Variants in AGAP1 observed in about 807,000 individuals in gnomAD.
The protein encoded by AGAP1 is arf-GAP with GTPase, ANK repeat and PH domain-containing protein 1.
A neutral mutation model predicts 105.3 loss-of-function variants in AGAP1; 29 were observed. The ratio of observed to expected loss-of-function variants is 0.28; its 90% CI spans 0.21 to 0.38. The LOEUF (loss-of-function observed/expected upper bound fraction) is 0.38, where lower values mean the gene tolerates loss of function less well. Ranked by LOEUF, AGAP1 falls within the 10% of genes least tolerant of loss-of-function variation. The pLI is 1.00. For synonymous variants in AGAP1, 509 were observed against 485.9 expected, an observed-to-expected ratio of 1.05 and a Z score of -0.63; for missense variants, 998 against 1,165.1, an observed-to-expected ratio of 0.86 and a Z score of 2.09.
chr2:235,826,479 CT>C (rs1959072005), intron 9 of AGAP1, among the ~76,000 whole-genome samples: 6 of 151,788 alleles, frequency 4.0e-5, no homozygotes, highest in African/African-American at 1.5e-4. Flanking sequence ...AAGAGTCTTG[CT>C]GCTCTGTCAC....
chr2:235,809,876 G>A (rs576440741), intron 9 of AGAP1, among the ~76,000 whole-genome samples: 113 of 152,248 alleles, frequency 7.4e-4, no homozygotes, highest in African/African-American at 2.6e-3. Context: ...TTAAATGAGT[G>A]CTTATTATGT....
rs1390167385 is a variant in AGAP1 at position 235,653,023 on chromosome 2, T to G, written c.164-56156T>G. Among the ~76,000 whole-genome samples, 5 of 152,016 alleles carry G rather than the reference T, an allele frequency of 3.3e-5. No individual in the cohort carries two copies. The East Asian group carries it at 9.7e-4, about 29-fold the overall frequency. ...GTGTTCTTTGACCCATCAACAGGTG[T>G]GGGGAGGCAGCACTGCACCGGGAAG... On this transcript the variant is annotated intron_variant, in intron 1 of 17. Transcript: ENST00000304032.
intron 13 of AGAP1, among the ~76,000 whole-genome samples, chr2:235,998,664 T>C (rs1398550525): frequency 2.6e-5 from 4 of 151,696 alleles, no homozygotes; most frequent in African/African-American, 9.7e-5. Context: ...GAGGTGGTGG[T>C]GGTGGTGGTG....
intron 1 of AGAP1, among the ~76,000 whole-genome samples, chr2:235,686,638 T>TATATAG (rs1949433060): frequency 2.0e-5 from 1 of 49,374 alleles, no homozygotes; most frequent in Non-Finnish European, 3.7e-5. Context: ...TATATATATA[T>TATATAG]ATATATAGAT....
At chr2:235,974,473 C>A (rs2054777783) in intron 13 of AGAP1, among the ~76,000 whole-genome samples, 1 of 152,232 alleles carries the variant, frequency 6.6e-6, no homozygotes, top group Admixed American at 6.5e-5. Context: ...GTGTTATCCC[C>A]CCCTTGGGTT....
chr2:235,687,793 A>G (rs138097946), intron 1 of AGAP1, among the ~76,000 whole-genome samples: 4,142 of 152,150 alleles, frequency 0.027, 191 homozygotes, highest in African/African-American at 0.094. Flanking sequence ...AAGCAGGGGC[A>G]AAGTACACAT....
At chr2:235,768,154 C>T (rs2149827890) in intron 6 of AGAP1, among the ~76,000 whole-genome samples, 1 of 152,304 alleles carries the variant, frequency 6.6e-6, no homozygotes, top group East Asian at 1.9e-4. Context: ...AGATAGAGGG[C>T]TTCTCCCTAC....
chr2:235,523,832 G>A (rs1474486451), intron 1 of AGAP1, among the ~76,000 whole-genome samples: 2 of 151,242 alleles, frequency 1.3e-5, no homozygotes, highest in East Asian at 2.0e-4. Flanking sequence ...CTGCTTGGAC[G>A]TAGCAGGGGG....
chr2:235,661,979 G>T (rs1947972537), intron 1 of AGAP1, among the ~76,000 whole-genome samples: 1 of 152,212 alleles, frequency 6.6e-6, no homozygotes, highest in South Asian at 2.1e-4. Context: ...GGACTTGTGG[G>T]CAGGGAAAGG....
chr2:235,939,758 T>C (rs540254540), intron 12 of AGAP1, among the ~76,000 whole-genome samples: 4 of 152,248 alleles, frequency 2.6e-5, no homozygotes, highest in African/African-American at 9.6e-5. Flanking sequence ...TCCTCTGGGC[T>C]TCTCTGAAGA....
At chr2:235,894,616 A>C (rs113715525) in intron 10 of AGAP1, among the ~76,000 whole-genome samples, 1,959 of 151,156 alleles carry the variant, frequency 0.013, 39 homozygotes, top group African/African-American at 0.045. Flanking sequence ...CACACACTTA[A>C]ACATACACAT....
chr2:235,787,352 ATGTC>A lies in AGAP1; in HGVS notation c.674-10403_674-10400del, dbSNP rs1428894667. 6.6e-6 allele frequency among the ~76,000 whole-genome samples: 1 copy of A among 152,166 alleles called. No homozygotes were observed. Among genetic ancestry groups the A allele is most frequent in the Non-Finnish European group, 1.5e-5 (1 of 68,030 alleles). On this transcript the variant is annotated intron_variant, in intron 6 of 17. Coordinates refer to ENST00000304032, the MANE Select transcript of AGAP1 (RefSeq NM_001037131.3). The surrounding 1 kb of genome is among the most constrained non-coding windows in gnomAD (Gnocchi z 4.4). ...TTTTCCTGCTTTAAGTGCCTCTTCTATGTCTGTGCAACATTCATTAATTTCTCAG... is the reference window on the plus strand; with the variant it reads ...TTTTCCTGCTTTAAGTGCCTCTTCTATGTGCAACATTCATTAATTTCTCAG...
At position 235,732,599 on chromosome 2, in the gene AGAP1, A is replaced by G. The variant is rs1350799070; in HGVS notation, c.311-8364A>G. 6.6e-6 allele frequency among the ~76,000 whole-genome samples: 1 copy of G among 151,928 alleles called. No homozygotes were observed. Among genetic ancestry groups the G allele is most frequent in the Admixed American group, 6.6e-5 (1 of 15,248 alleles). On this transcript the variant is annotated intron_variant, in intron 3 of 17. Transcript: ENST00000304032. The surrounding 1 kb of genome is among the most constrained non-coding windows in gnomAD (Gnocchi z 4.8). ...TTCCCTTCCCTCCTTCCTCTCCCCA[A>G]GCCTCTCCCGCCTTCCCATTTTCCC...
At chr2:235,755,271 C>T (rs1559440978) in intron 6 of AGAP1, among the ~76,000 whole-genome samples, 1 of 152,166 alleles carries the variant, frequency 6.6e-6, no homozygotes, top group Non-Finnish European at 1.5e-5. Flanking sequence ...AACCTATATA[C>T]AAGTTTTTCT....
intron 1 of AGAP1, among the ~76,000 whole-genome samples, chr2:235,528,968 G>A (rs920646024): frequency 2.0e-5 from 3 of 152,170 alleles, no homozygotes; most frequent in South Asian, 2.1e-4. Context: ...GAGCCACTGC[G>A]CCCAGCCAGT....
intron 13 of AGAP1, among the ~76,000 whole-genome samples, chr2:236,019,561 A>C (rs1408959806): frequency 6.6e-6 from 1 of 152,210 alleles, no homozygotes; most frequent in Non-Finnish European, 1.5e-5. Context: ...CGAGCCTGGG[A>C]GAAGGGCAGG....
chr2:235,701,355 A>C lies in AGAP1; in HGVS notation c.164-7824A>C, dbSNP rs1950253070. 6.6e-6 allele frequency among the ~76,000 whole-genome samples: 1 copy of C among 151,898 alleles called. No individual in the cohort carries two copies. Among genetic ancestry groups the C allele is most frequent in the Admixed American group, 6.6e-5 (1 of 15,238 alleles). ...AGTCGCCTCAGGGCTCAGGGGAAAG[A>C]GCCTTGGAATTGCAGGCAGTGGCGT... is the stretch of plus-strand genomic sequence containing the variant. On this transcript the variant is annotated intron_variant, in intron 1 of 17. Transcript: ENST00000304032. This position sits in a 1 kb window ranked among gnomAD's most constrained non-coding sequence, Gnocchi z 4.1.
intron 1 of AGAP1, among the ~76,000 whole-genome samples, chr2:235,628,770 C>T (rs1946724920): frequency 1.3e-5 from 2 of 152,040 alleles, no homozygotes; most frequent in South Asian, 2.1e-4. Flanking sequence ...TCCCCTGCTT[C>T]CCCTCCCATC....
intron 9 of AGAP1, among the ~76,000 whole-genome samples, chr2:235,821,282 T>C (rs1958772120): frequency 6.6e-6 from 1 of 152,116 alleles, no homozygotes; most frequent in African/African-American, 2.4e-5. Context: ...AAACTGTGTA[T>C]AATAATTGGA....
Sources: gnomAD v4.1 joint callset for allele counts (sites outside exome capture counted in the v4.1 genomes callset) on GRCh38, gnomAD v4.1.1 for gene constraint, Gnocchi (gnomAD v3.1) non-coding constraint, MANE v1.5 for transcripts, NCBI Gene and HGNC (gene_info 2026-07-23, HGNC 2026-07-21) for gene names.